NRXN3: variants seen among roughly 807,000 people sequenced by gnomAD.
The protein encoded by NRXN3 is neurexin 3.
In NRXN3, 32 loss-of-function variants were observed where a neutral mutation model predicts 137.6. The observed-to-expected ratio is 0.23, with a 90% CI of 0.18 to 0.31. The LOEUF (loss-of-function observed/expected upper bound fraction) is 0.31. NRXN3 is among the 10% of genes least tolerant of loss of function. The pLI is 1.00. For synonymous variants in NRXN3, 798 were observed against 784.5 expected (o/e 1.02, Z -0.29); for missense variants, 1,574 against 2,062.5 (o/e 0.76, Z 4.59).
intron 19 of NRXN3, among the ~76,000 whole-genome samples, chr14:79,701,370 G>T (rs2098753912): frequency 6.6e-6 from 1 of 152,070 alleles, no homozygotes. Context: ...AGTTCAGCAA[G>T]GCAATTCTTC....
intron 8 of NRXN3, among the ~76,000 whole-genome samples, chr14:78,776,604 T>A (rs760667613): frequency 4.6e-5 from 7 of 152,192 alleles, no homozygotes; most frequent in Non-Finnish European, 1.0e-4. Context: ...TTATTTATTT[T>A]TCTTTGAATA....
intron 1 of NRXN3, among the ~76,000 whole-genome samples, chr14:78,209,268 A>G (rs2062507796): frequency 6.6e-6 from 1 of 152,118 alleles, no homozygotes; most frequent in African/African-American, 2.4e-5. Context: ...TGAAACAGGA[A>G]GAGCATGGAG....
At chr14:78,662,334 A>T (rs919174192) in intron 6 of NRXN3, among the ~76,000 whole-genome samples, 3 of 152,084 alleles carry the variant, frequency 2.0e-5, no homozygotes, top group African/African-American at 7.2e-5. Context: ...GAAAGTGAAG[A>T]TGCCTGTGCC....
chr14:79,815,102 T>G (rs1326817729), intron 20 of NRXN3, among the ~76,000 whole-genome samples: 2 of 152,212 alleles, frequency 1.3e-5, no homozygotes, highest in Non-Finnish European at 2.9e-5. Context: ...GCTTTAGTTC[T>G]GAGAATAGAG....
intron 8 of NRXN3, among the ~76,000 whole-genome samples, chr14:78,764,729 G>A (rs1362958078): frequency 1.3e-5 from 2 of 152,158 alleles, no homozygotes; most frequent in Non-Finnish European, 2.9e-5. Context: ...TTTCCTGAAT[G>A]TAAAAAACAC....
intron 15 of NRXN3, among the ~76,000 whole-genome samples, chr14:79,130,343 T>C (rs1330602991): frequency 6.6e-6 from 1 of 152,186 alleles, no homozygotes; most frequent in Non-Finnish European, 1.5e-5. Context: ...TGTTTAGCAC[T>C]TCCTTCAGGA....
chr14:78,884,811 A>G (rs2099138691), intron 10 of NRXN3, among the ~76,000 whole-genome samples: 1 of 152,110 alleles, frequency 6.6e-6, no homozygotes, highest in Non-Finnish European at 1.5e-5. Context: ...TAGCTGTGCA[A>G]TCTTGGACAA....
At chr14:79,276,470 C>T (rs1384695985) in intron 15 of NRXN3, among the ~76,000 whole-genome samples, 22 of 152,044 alleles carry the variant, frequency 1.4e-4, no homozygotes, top group Admixed American at 1.4e-3. Flanking sequence ...ATCAGCCTTA[C>T]CAAAATTCAC....
chr14:78,436,087 G>A (rs1202856249), intron 4 of NRXN3, among the ~76,000 whole-genome samples: 5 of 152,168 alleles, frequency 3.3e-5, no homozygotes, highest in Admixed American at 3.3e-4. Flanking sequence ...GAGAGTGCTT[G>A]GTGAAAACCC....
chr14:78,201,320 T>C (rs1329508610), intron 1 of NRXN3, among the ~76,000 whole-genome samples: 1 of 152,228 alleles, frequency 6.6e-6, no homozygotes, highest in African/African-American at 2.4e-5. Context: ...GTTTGAACTC[T>C]GTGGTCAATC....
chr14:79,000,410 C>A (rs2099539074), intron 15 of NRXN3, among the ~76,000 whole-genome samples: 1 of 152,078 alleles, frequency 6.6e-6, no homozygotes, highest in Admixed American at 6.6e-5. Flanking sequence ...ACTTGTATTT[C>A]TGTAATTTCT....
chr14:78,472,836 A>G (rs1230212077), intron 4 of NRXN3, among the ~76,000 whole-genome samples: 1 of 152,118 alleles, frequency 6.6e-6, no homozygotes, highest in Non-Finnish European at 1.5e-5. Flanking sequence ...GCAAAAATGG[A>G]ATATTCTCTA....
At chr14:78,983,621 G>A (rs1032560794) in intron 14 of NRXN3, among the ~76,000 whole-genome samples, 1 of 152,062 alleles carries the variant, frequency 6.6e-6, no homozygotes, top group African/African-American at 2.4e-5. Context: ...CACTTTGGGA[G>A]GCCGAGGCAG....
chr14:78,635,572 A>G (rs2097560225), intron 4 of NRXN3, among the ~76,000 whole-genome samples: 1 of 152,184 alleles, frequency 6.6e-6, no homozygotes, highest in African/African-American at 2.4e-5. Flanking sequence ...CAGTGTTACT[A>G]GGGACACAGA....
chr14:79,773,393 G>C (rs1229432436), intron 19 of NRXN3, among the ~76,000 whole-genome samples: 3 of 152,084 alleles, frequency 2.0e-5, no homozygotes, highest in Admixed American at 6.6e-5. Context: ...GTCCACCAAT[G>C]ATCGACCAGA....
chr14:78,702,931 A>G (rs1317029510), intron 6 of NRXN3, among the ~76,000 whole-genome samples: 1 of 152,204 alleles, frequency 6.6e-6, no homozygotes, highest in Non-Finnish European at 1.5e-5. Context: ...CCTATGTGGT[A>G]AGATATTATC....
rs1328175342 is a variant in NRXN3, at chr14:78,732,232, G to A, written c.2044+17093G>A. On this transcript the variant is annotated intron_variant, in intron 8 of 20. Transcript: ENST00000335750. Reference sequence around the variant, plus strand: ...TACTGTCCACATCCTCTGCATCAAGGCAAGTCATGTGGCCAAGCCCAACAT... The same window carrying A: ...TACTGTCCACATCCTCTGCATCAAGACAAGTCATGTGGCCAAGCCCAACAT... Among the ~76,000 whole-genome samples, 8 of 152,130 alleles carry A rather than the reference G, an allele frequency of 5.3e-5. No individual in the cohort carries two copies. In the East Asian group the frequency reaches 1.5e-3, roughly 29 times the overall value.
chr14:78,711,771 G>T (rs2098410264), intron 7 of NRXN3, among the ~76,000 whole-genome samples: 2 of 152,074 alleles, frequency 1.3e-5, no homozygotes, highest in South Asian at 4.1e-4. Flanking sequence ...TGATGAATTT[G>T]ATCAAAGCCT....
chr14:78,892,774 CTG>C (rs58718552), intron 10 of NRXN3, among the ~76,000 whole-genome samples: 3,672 of 139,600 alleles, frequency 0.026, 114 homozygotes, highest in African/African-American at 0.076. Flanking sequence ...CCCCCATCTT[CTG>C]TGTGTGTGTG....
Sources: allele counts gnomAD v4.1 joint callset (sites outside exome capture counted in the v4.1 genomes callset), GRCh38; gene constraint gnomAD v4.1.1; transcripts MANE v1.5; gene names NCBI Gene and HGNC (gene_info 2026-07-23, HGNC 2026-07-21).